The following CCDC171 variants were observed in gnomAD, a reference collection of about 807,000 sequenced individuals.
CCDC171 encodes coiled-coil domain-containing protein 171.
CCDC171 carries 177 observed loss-of-function variants against 168.2 expected under a neutral mutation model. The observed-to-expected ratio is 1.05, with a 90% CI of 0.93 to 1.19. The LOEUF (loss-of-function observed/expected upper bound fraction) is 1.19, where lower values mean the gene tolerates loss of function less well. Ranked by LOEUF, CCDC171 falls within the 50% of genes most tolerant of loss-of-function variation. CCDC171 has a pLI of 0.00. For synonymous variants in CCDC171, 687 were observed against 540.8 expected (o/e 1.27, Z -3.75); for missense variants, 1,991 against 1,539.0 (o/e 1.29, Z -4.91).
At chr9:15,747,148 C>G (rs964304585) in intron 18 of CCDC171, among the ~76,000 whole-genome samples, 1 of 152,188 alleles carries the variant, frequency 6.6e-6, no homozygotes. Context: ...CCGGGAAGCT[C>G]AAACTGGGCG....
At chr9:15,779,741 A>G (rs1038037380) in intron 20 of CCDC171, among the ~76,000 whole-genome samples, 1 of 152,234 alleles carries the variant, frequency 6.6e-6, no homozygotes, top group African/African-American at 2.4e-5. Flanking sequence ...GAAATGTTCA[A>G]TTTATCTAAC....
chr9:15,818,987 C>T lies in CCDC171; in HGVS notation c.3268-27715C>T, dbSNP rs543151573. Among the ~76,000 whole-genome samples the T allele has an allele frequency of 3.0e-4, 35 of 117,054 alleles. 7 individuals carry two copies. In the East Asian group the frequency reaches 5.3e-3, roughly 18 times the overall value. The allele number at this position is 117,054 out of a possible 152,430, so 76.8% of individuals were successfully genotyped here. On this transcript the variant is annotated intron_variant, in intron 21 of 25. Transcript: ENST00000380701. The stretch of plus-strand genomic sequence containing the variant: ...AAAGGGAAGCCCATCAGACTAACAG[C>T]GGATCTCTCGGCAGAAACTCTACAA...
At chr9:15,584,610 G>T (rs1435738144) in intron 4 of CCDC171, among the ~76,000 whole-genome samples, 2 of 152,316 alleles carry the variant, frequency 1.3e-5, no homozygotes, top group East Asian at 3.9e-4. Flanking sequence ...GAGGTAGTAG[G>T]TCAGAGAGGC....
At position 15,810,763 on chromosome 9, in the gene CCDC171, C is replaced by T. The variant is rs953791804; in HGVS notation, c.3267+26069C>T. Among the ~76,000 whole-genome samples the T allele has an allele frequency of 2.0e-5, 3 of 152,246 alleles. No homozygotes were observed. In the East Asian group the frequency reaches 5.8e-4, roughly 29 times the overall value. On this transcript the variant is annotated intron_variant, in intron 21 of 25. Coordinates refer to ENST00000380701, the MANE Select transcript of CCDC171 (RefSeq NM_173550.4). Reference sequence around the variant, plus strand: ...TGCCCTGTGAGTGCTGCGCGCAGCCCTGGTTCCCGCCTGCGCCTCTCCCTT... The same window carrying T: ...TGCCCTGTGAGTGCTGCGCGCAGCCTTGGTTCCCGCCTGCGCCTCTCCCTT...
chr9:15,579,286 A>G (rs2040928476), intron 4 of CCDC171, among the ~76,000 whole-genome samples: 1 of 152,216 alleles, frequency 6.6e-6, no homozygotes, highest in South Asian at 2.1e-4. Flanking sequence ...TTTTAGAAGC[A>G]CTTCTTCCAT....
chr9:15,642,328 T>TATATATAC (rs1452090343), intron 7 of CCDC171, among the ~76,000 whole-genome samples: 1 of 135,804 alleles, frequency 7.4e-6, no homozygotes, highest in Non-Finnish European at 1.6e-5. Flanking sequence ...TATATATATA[T>TATATATAC]ACACGTGTGT....
intron 3 of CCDC171, among the ~76,000 whole-genome samples, chr9:15,988,446 G>T (rs1832068821): frequency 6.6e-6 from 1 of 152,230 alleles, no homozygotes; most frequent in Non-Finnish European, 1.5e-5. Flanking sequence ...GGAAAAGGCA[G>T]TTCCAAGATG....
chr9:15,947,520 T>C (rs1828551225), intron 25 of CCDC171, among the ~76,000 whole-genome samples: 1 of 152,038 alleles, frequency 6.6e-6, no homozygotes, highest in Admixed American at 6.6e-5. Flanking sequence ...TGTTGTAGCA[T>C]AGTAGCATAT....
intron 24 of CCDC171, among the ~76,000 whole-genome samples, chr9:15,914,244 A>G (rs1824149081): frequency 6.6e-6 from 1 of 152,116 alleles, no homozygotes; most frequent in Admixed American, 6.5e-5. Flanking sequence ...CTGTGCCCAC[A>G]GCTGCCCCCC....
chr9:16,080,035 T>G, the CCDC171 span, among the ~76,000 whole-genome samples: 1 of 152,154 alleles, frequency 6.6e-6, no homozygotes, highest in Non-Finnish European at 1.5e-5. Context: ...GGCATCAGCT[T>G]CTTCTTACAA....
chr9:15,981,700 A>G (rs1157611319), intron 3 of CCDC171, among the ~76,000 whole-genome samples: 1 of 152,158 alleles, frequency 6.6e-6, no homozygotes, highest in East Asian at 1.9e-4. Context: ...GATTCTTACT[A>G]CTTCAGAAAC....
intron 21 of CCDC171, among the ~76,000 whole-genome samples, chr9:15,798,897 A>G (rs2058684491): frequency 6.6e-6 from 1 of 151,688 alleles, no homozygotes; most frequent in African/African-American, 2.4e-5. Context: ...TAATATACCT[A>G]TTTCACCTAT....
chr9:15,616,972 C>T, intron 6 of CCDC171, among the ~76,000 whole-genome samples: 1 of 152,170 alleles, frequency 6.6e-6, no homozygotes, highest in East Asian at 1.9e-4. Context: ...ATCTGCTCGG[C>T]TTCTGGGGAG....
chr9:15,689,668 A>G (rs1309872000), intron 10 of CCDC171, among the ~76,000 whole-genome samples: 1 of 152,190 alleles, frequency 6.6e-6, no homozygotes, highest in Non-Finnish European at 1.5e-5. Flanking sequence ...CCAAGATCAC[A>G]CTACTGCACT....
chr9:15,920,039 C>T (rs1825100775), intron 24 of CCDC171, among the ~76,000 whole-genome samples: 1 of 151,634 alleles, frequency 6.6e-6, no homozygotes, highest in Non-Finnish European at 1.5e-5. Flanking sequence ...GATCAAAGTA[C>T]ATCTTATTTA....
chr9:15,959,505 G>A (rs1311084555), intron 25 of CCDC171, among the ~76,000 whole-genome samples: 1 of 152,142 alleles, frequency 6.6e-6, no homozygotes, highest in African/African-American at 2.4e-5. Flanking sequence ...ATAAAAGTAT[G>A]TTTAGGCCAG....
At chr9:15,743,564 T>C (rs2134623157) in intron 16 of CCDC171, among the ~76,000 whole-genome samples, 1 of 152,332 alleles carries the variant, frequency 6.6e-6, no homozygotes, top group South Asian at 2.1e-4. Context: ...TTAATTGTGG[T>C]TCTTACAGTT....
intron 24 of CCDC171, among the ~76,000 whole-genome samples, chr9:15,890,842 G>C (rs1222309678): frequency 6.6e-6 from 1 of 152,092 alleles, no homozygotes; most frequent in Non-Finnish European, 1.5e-5. Flanking sequence ...ATAGAATAGA[G>C]ATTATAGGGA....
chr9:16,036,460 T>G (rs1586850163), intron 8 of CCDC171, among the ~76,000 whole-genome samples: 1 of 152,108 alleles, frequency 6.6e-6, no homozygotes, highest in East Asian at 1.9e-4. Context: ...CTAGCTAACA[T>G]GGTGAAACCC....
Sources: gnomAD v4.1 joint callset for allele counts (sites outside exome capture counted in the v4.1 genomes callset) on GRCh38, gnomAD v4.1.1 for gene constraint, MANE v1.5 for transcripts, NCBI Gene and HGNC (gene_info 2026-07-23, HGNC 2026-07-21) for gene names.